Variants in TICRR observed in about 807,000 individuals in gnomAD.
TICRR encodes TOPBP1 interacting checkpoint and replication regulator, also known as treslin.
A neutral mutation model predicts 178.1 loss-of-function variants in TICRR; 132 were observed. The observed-to-expected ratio is 0.74, with a 90% CI of 0.64 to 0.86. The LOEUF is 0.86. Ranked by LOEUF, TICRR falls within the 40% of genes least tolerant of loss-of-function variation. TICRR has a pLI of 0.00. For synonymous variants in TICRR, 991 were observed against 900.7 expected (o/e 1.10, Z -1.79); for missense variants, 2,587 against 2,334.3 (o/e 1.11, Z -2.23).
rs1333286704 is a variant in TICRR at position 89,592,168 on chromosome 15, G to A, written c.1533G>A (p.Glu511=). 1 of 1,610,870 alleles carries A rather than the reference G, an allele frequency of 6.2e-7. No individual in the cohort carries two copies. Among genetic ancestry groups the A allele is most frequent in the East Asian group, 2.2e-5 (1 of 44,884 alleles). ...GTGGTGCCAGTTCCGATTTGATGGAGTCATTTGGGTAAAACGTTTTTATAT... is the reference window on the plus strand; with the variant it reads ...GTGGTGCCAGTTCCGATTTGATGGAATCATTTGGGTAAAACGTTTTTATAT... ...NISGASSDLM[E]SFGLLQAASA... is the part of the protein sequence containing the mutation. The change falls in exon 5 of 22, where the codon GAG becomes GAA. Residue 511 remains glutamate (E), a synonymous_variant. Transcript: ENST00000268138.
chr15:89,613,301 T>A (rs1963281493), intron 15 of TICRR, among the ~76,000 whole-genome samples: 1 of 152,240 alleles, frequency 6.6e-6, no homozygotes, highest in Non-Finnish European at 1.5e-5. Flanking sequence ...CAGCTGCTAA[T>A]CTCATCAAGG....
intron 1 of TICRR, 95 bp from the exon 2 acceptor site, chr15:89,582,591 A>G (rs1962747103): frequency 5.3e-6 from 6 of 1,126,110 alleles, no homozygotes; most frequent in African/African-American, 1.6e-5. Context: ...ATCCTTTAAT[A>G]TTGGTATCAA....
chr15:89,606,274 C>T (rs1024527541), intron 13 of TICRR, among the ~76,000 whole-genome samples: 2 of 152,118 alleles, frequency 1.3e-5, no homozygotes, highest in African/African-American at 4.8e-5. Context: ...TATCTCTTAC[C>T]CAAAATGCTT....
At chr15:89,613,335 C>G (rs184143205) in intron 15 of TICRR, among the ~76,000 whole-genome samples, 1 of 152,360 alleles carries the variant, frequency 6.6e-6, no homozygotes, top group African/African-American at 2.4e-5. Flanking sequence ...GAATAGCTCT[C>G]TGGCTTCTTT....
chr15:89,619,652 G>T, intron 17 of TICRR, 56 bp from the exon 18 acceptor site: 1 of 1,554,040 alleles, frequency 6.4e-7, no homozygotes, highest in Non-Finnish European at 8.7e-7. Flanking sequence ...GACAACATGA[G>T]AAAATGTCAA....
At chr15:89,584,718 T>C (rs1289983203) in intron 3 of TICRR, among the ~76,000 whole-genome samples, 191 bp downstream of exon 3, 1 of 152,242 alleles carries the variant, frequency 6.6e-6, no homozygotes, top group Admixed American at 6.5e-5. Flanking sequence ...TAAAATTGCA[T>C]GTACCAAGAA....
At chr15:89,576,817 G>A (rs1343193335) in intron 1 of TICRR, among the ~76,000 whole-genome samples, 7 of 11,150 alleles carry the variant, frequency 6.3e-4, no homozygotes, top group African/African-American at 1.3e-3. Context: ...GTGTATGTGT[G>A]TGTGTATATA....
intron 4 of TICRR, among the ~76,000 whole-genome samples, chr15:89,587,903 A>G (rs1394245131): frequency 1.3e-5 from 2 of 152,194 alleles, no homozygotes; most frequent in African/African-American, 4.8e-5. Flanking sequence ...TTTGATTTTT[A>G]GAAATAATAA....
intron 15 of TICRR, among the ~76,000 whole-genome samples, chr15:89,616,159 A>T (rs1963332200): frequency 6.6e-6 from 1 of 152,202 alleles, no homozygotes; most frequent in Non-Finnish European, 1.5e-5. Context: ...TTCTGGGATT[A>T]CAGGCATGAG....
intron 15 of TICRR, among the ~76,000 whole-genome samples, chr15:89,612,776 A>G (rs1438273391): frequency 1.3e-5 from 2 of 152,210 alleles, no homozygotes; most frequent in East Asian, 3.9e-4. Context: ...CAATTAAGAT[A>G]TTAACTTATA....
Position 89,594,403 on chromosome 15 carries a change from T to C in TICRR, c.1542-12T>C, listed in dbSNP as rs1268416893. 12 of 1,594,666 alleles carry C rather than the reference T, an allele frequency of 7.5e-6. No individual in the cohort carries two copies. Among genetic ancestry groups the C allele is most frequent in the Non-Finnish European group, 1.0e-5 (12 of 1,171,040 alleles). Reference sequence around the variant, plus strand: ...GAATGTTGGTTTTATTCTAGACATCTTGACTTCACAGGTTACTACAGGCTG... The same window carrying C: ...GAATGTTGGTTTTATTCTAGACATCCTGACTTCACAGGTTACTACAGGCTG... On this transcript the variant is annotated splice_polypyrimidine_tract_variant and intron_variant, in intron 5 of 21. Coordinates refer to ENST00000268138, the MANE Select transcript of TICRR (RefSeq NM_152259.4).
chr15:89,615,088 AAT>A (rs1381954940), intron 15 of TICRR, among the ~76,000 whole-genome samples: 1 of 152,174 alleles, frequency 6.6e-6, no homozygotes, highest in Non-Finnish European at 1.5e-5. Context: ...CTCATTCCCC[AAT>A]TTTCCCAATT....
rs1962816969 is a variant in TICRR, at chr15:89,586,013, C to T, written c.1411+71C>T. 4 of 1,169,132 alleles carry T rather than the reference C, an allele frequency of 3.4e-6. No individual in the cohort carries two copies. In the Admixed American group the frequency reaches 7.1e-5, roughly 21 times the overall value. 72.4% of individuals were successfully genotyped at this position (1,169,132 alleles called of 1,614,324 possible). ...GTCTTTTCAAGCATCGGGACTTTTT[C>T]ACTGTGCAGTTAGTAGAACCCCAAT... On this transcript the variant is annotated intron_variant, in intron 4 of 21. Transcript: ENST00000268138.
At position 89,576,189 on chromosome 15, in the gene TICRR, G is replaced by C. The variant is rs150476518; in HGVS notation, c.603G>C (p.Met201Ile). The change falls in exon 1 of 22, where the codon ATG becomes ATC. Residue 201 changes from methionine to isoleucine, a missense_variant. Coordinates refer to ENST00000268138, the MANE Select transcript of TICRR (RefSeq NM_152259.4). ...TGCCCAAGAGAGTCCGGGAAGTCATGGTCGCCCGAAAAATCACCTTCTACT... is the reference window on the plus strand; with the variant it reads ...TGCCCAAGAGAGTCCGGGAAGTCATCGTCGCCCGAAAAATCACCTTCTACT... ...KLLPKRVREV[M>I]VARKITFYWV... The C allele has an allele frequency of 5.6e-4, 897 of 1,598,510 alleles. 5 individuals are homozygous for C. In the African/African-American group the frequency reaches 0.011, roughly 19 times the overall value.
Position 89,626,013 on chromosome 15 carries a change from C to T in TICRR, c.5554C>T (p.Leu1852=), listed in dbSNP as rs867522684. 1 of 1,613,614 alleles carries T rather than the reference C, an allele frequency of 6.2e-7. No individual in the cohort carries two copies. The highest frequency in any genetic ancestry group is 1.7e-5 in the Admixed American group (1 of 59,948). Residue 1852 remains leucine (L), a synonymous_variant, in exon 21 of 22, where the codon CTG becomes TTG. Coordinates refer to ENST00000268138, the MANE Select transcript of TICRR (RefSeq NM_152259.4). ...SALQALTQSP[L]LFQGKTPSSQ... ...CCTCCAGGCTCTGACCCAGTCTCCG[C>T]TGCTGTTCCAGGGGAAAACACCTTC...
intron 4 of TICRR, among the ~76,000 whole-genome samples, chr15:89,588,519 G>A (rs916621019): frequency 1.3e-5 from 2 of 152,146 alleles, no homozygotes; most frequent in Non-Finnish European, 2.9e-5. Flanking sequence ...AAGGACAGGC[G>A]ATCAGATCAA....
In TICRR at chr15:89,627,201, A is replaced by G; in HGVS notation, c.*115A>G. ...TGCCATGGTCAGTGTTCAGATTGCC[A>G]TTAGAATGCCTTAGGGTTTTCTAAT... On this transcript the variant is annotated 3_prime_UTR_variant, in exon 22 of 22. Coordinates refer to ENST00000268138, the MANE Select transcript of TICRR (RefSeq NM_152259.4). The G allele has an allele frequency of 7.6e-7, 1 of 1,308,796 alleles. No individual in the cohort carries two copies. The highest frequency in any genetic ancestry group is 1.1e-6 in the Non-Finnish European group (1 of 937,204). 81.1% of individuals were successfully genotyped at this position (1,308,796 alleles called of 1,614,324 possible). A position where few individuals can be genotyped will look rare whatever the true frequency, so the allele number is the denominator to read the frequency against.
chr15:89,583,074 C>T (rs1468592635), intron 2 of TICRR, 109 bp downstream of exon 2: 11 of 1,171,822 alleles, frequency 9.4e-6, no homozygotes, highest in African/African-American at 3.1e-5. Context: ...AGGCACTCAA[C>T]GAATGCTTGT....
At chr15:89,576,268 G>A in intron 1 of TICRR, 28 bp downstream of exon 1, 1 of 1,513,214 alleles carries the variant, frequency 6.6e-7, no homozygotes, top group Non-Finnish European at 8.8e-7. Flanking sequence ...CGTCTCAGAT[G>A]GCGTGCACGG....
Sources: allele counts gnomAD v4.1 joint callset (sites outside exome capture counted in the v4.1 genomes callset), GRCh38; gene constraint gnomAD v4.1.1; transcripts MANE v1.5; gene names NCBI Gene and HGNC (gene_info 2026-07-23, HGNC 2026-07-21).